The following HDAC4 variants were observed in gnomAD, a reference collection of about 807,000 sequenced individuals.
HDAC4 encodes the protein histone deacetylase 4.
In HDAC4, 16 loss-of-function variants were observed where a neutral mutation model predicts 135.1. That is an observed-to-expected ratio of 0.12 (90% CI 0.08 to 0.18). HDAC4 has a LOEUF of 0.18. Among genes scored for constraint, HDAC4 ranks in the 10% least tolerant of loss-of-function variants. The pLI is 1.00. For synonymous variants in HDAC4, 685 were observed against 653.4 expected (o/e 1.05, Z -0.74); for missense variants, 1,143 against 1,511.8 (o/e 0.76, Z 4.05).
chr2:239,395,295 G>A (rs1264975643), intron 1 of HDAC4, among the ~76,000 whole-genome samples: 1 of 152,224 alleles, frequency 6.6e-6, no homozygotes, highest in East Asian at 1.9e-4. Flanking sequence ...AGTCATGCCA[G>A]GGTTTCAAGC....
At position 239,124,725 on chromosome 2, in the gene HDAC4, T is replaced by C. The variant is rs1346318019; in HGVS notation, c.1533+1731A>G. 4.5e-3 allele frequency among the ~76,000 whole-genome samples: 436 copies of C among 97,820 alleles called. 4 individuals are homozygous for C. The highest frequency in any genetic ancestry group is 0.013 in the Middle Eastern group (1 of 80). 64.2% of individuals were successfully genotyped at this position (97,820 alleles called of 152,430 possible). ...CATGTTATGTGACATTCTGGTGTGC[T>C]GGCGTGTGGCTGCGTTATATGACAT... On this transcript the variant is annotated intron_variant, in intron 12 of 26. Coordinates refer to ENST00000543185, the MANE Select transcript of HDAC4 (RefSeq NM_001378414.1).
chr2:239,233,571 G>A (rs764709331), intron 3 of HDAC4, among the ~76,000 whole-genome samples: 7 of 152,096 alleles, frequency 4.6e-5, no homozygotes, highest in Non-Finnish European at 8.8e-5. Context: ...CTCACCTGAC[G>A]TTTCTAAAAT....
At chr2:239,322,347 A>C (rs2053343404) in intron 2 of HDAC4, among the ~76,000 whole-genome samples, 1 of 152,266 alleles carries the variant, frequency 6.6e-6, no homozygotes, top group African/African-American at 2.4e-5. Flanking sequence ...GTTGCTTGGC[A>C]CAGCCCCTTG....
chr2:239,061,468 T>C (rs1318682719), intron 24 of HDAC4, among the ~76,000 whole-genome samples: 2 of 151,070 alleles, frequency 1.3e-5, no homozygotes, highest in African/African-American at 2.4e-5. Context: ...GTATGTGTGG[T>C]GTGTGCGTGC....
At chr2:239,175,335 C>T (rs1328504542) in intron 5 of HDAC4, among the ~76,000 whole-genome samples, 2 of 152,236 alleles carry the variant, frequency 1.3e-5, no homozygotes, top group Non-Finnish European at 2.9e-5. Flanking sequence ...ACCCTGCACC[C>T]CGGGGACACG....
At chr2:239,268,272 T>C (rs1481014011) in intron 2 of HDAC4, among the ~76,000 whole-genome samples, 1 of 152,196 alleles carries the variant, frequency 6.6e-6, no homozygotes, top group Non-Finnish European at 1.5e-5. Context: ...ACGGTGGCCC[T>C]GGCGGGCCAG....
intron 7 of HDAC4, among the ~76,000 whole-genome samples, chr2:239,152,181 T>C (rs2042158822): frequency 6.6e-6 from 1 of 152,204 alleles, no homozygotes; most frequent in African/African-American, 2.4e-5. Flanking sequence ...TGGAAAAGCC[T>C]CCATTCCTCA....
intron 1 of HDAC4, among the ~76,000 whole-genome samples, chr2:239,387,687 G>A (rs552755745): frequency 6.6e-6 from 1 of 152,194 alleles, no homozygotes. Flanking sequence ...GAAGAAAACC[G>A]AGGCTTAGAG....
chr2:239,198,908 C>T (rs563332642), intron 3 of HDAC4, among the ~76,000 whole-genome samples: 20 of 152,286 alleles, frequency 1.3e-4, no homozygotes, highest in Admixed American at 7.2e-4. Flanking sequence ...AGGCCCCAGT[C>T]GTCACTGCGA....
At chr2:239,238,708 T>C (rs1356542456) in intron 2 of HDAC4, among the ~76,000 whole-genome samples, 1 of 152,174 alleles carries the variant, frequency 6.6e-6, no homozygotes, top group Non-Finnish European at 1.5e-5. Context: ...AGCACCGAGT[T>C]CATACATGAG....
intron 4 of HDAC4, among the ~76,000 whole-genome samples, chr2:239,187,718 A>G (rs1031118821): frequency 6.6e-6 from 1 of 152,164 alleles, no homozygotes; most frequent in Non-Finnish European, 1.5e-5. Flanking sequence ...TGTCAGGATC[A>G]CAGGGATCCC....
chr2:239,381,496 GGTTTC>G (rs1695412807), intron 1 of HDAC4, among the ~76,000 whole-genome samples: 1 of 152,090 alleles, frequency 6.6e-6, no homozygotes, highest in Non-Finnish European at 1.5e-5. Context: ...AATGAAAGCT[GGTTTC>G]ATTTCCTCAC....
chr2:239,191,048 C>T (rs2044915051), intron 3 of HDAC4: 2 of 458,174 alleles, frequency 4.4e-6, no homozygotes, highest in Non-Finnish European at 4.4e-6. Context: ...CGCGACTCTG[C>T]CGAAAACTTC....
chr2:239,285,495 C>T lies in HDAC4; in HGVS notation c.23-48831G>A, dbSNP rs1194980066. ...AGTGCCGGCTGCCAGCAAGTGTCTC[C>T]GCCGCGGGACCTGTCATCCCAGCTG... On this transcript the variant is annotated intron_variant, in intron 2 of 26. Coordinates refer to ENST00000543185, the MANE Select transcript of HDAC4 (RefSeq NM_001378414.1). The surrounding 1 kb of genome is among the most constrained non-coding windows in gnomAD (Gnocchi z 4.5). Among the ~76,000 whole-genome samples, 3 of 152,178 alleles carry T rather than the reference C, an allele frequency of 2.0e-5. No individual in the cohort carries two copies. Among genetic ancestry groups the T allele is most frequent in the Admixed American group, 2.0e-4 (3 of 15,282 alleles).
At chr2:239,126,358 C>CCCTTAAGGTCAGGGA in intron 12 of HDAC4, 98 bp downstream of exon 12, 3 of 1,597,524 alleles carry the variant, frequency 1.9e-6, no homozygotes, top group Non-Finnish European at 2.6e-6. Flanking sequence ...CTCCTGGCCT[C>CCCTTAAGGTCAGGGA]CCTTAAGGTC....
chr2:239,313,796 G>A lies in HDAC4; in HGVS notation c.22+38882C>T, dbSNP rs1420970333. Among the ~76,000 whole-genome samples the A allele has an allele frequency of 1.3e-5, 2 of 152,186 alleles. No individual in the cohort carries two copies. Among genetic ancestry groups the A allele is most frequent in the African/African-American group, 4.8e-5 (2 of 41,430 alleles). On this transcript the variant is annotated intron_variant, in intron 2 of 26. Transcript: ENST00000543185. This position sits in a 1 kb window ranked among gnomAD's most constrained non-coding sequence, Gnocchi z 5.1. Reference sequence around the variant, plus strand: ...CAGGGCTGAGTTGGCTGAAGAGTGAGGAATATACTCCAAAGACAGGAATTC... The same window carrying A: ...CAGGGCTGAGTTGGCTGAAGAGTGAAGAATATACTCCAAAGACAGGAATTC...
intron 3 of HDAC4, among the ~76,000 whole-genome samples, chr2:239,202,732 T>C (rs1428022414): frequency 1.3e-5 from 2 of 152,104 alleles, no homozygotes. Context: ...GATGGAGCTG[T>C]ACCCCCTGAC....
intron 3 of HDAC4, among the ~76,000 whole-genome samples, chr2:239,229,502 G>A (rs1268750677): frequency 1.3e-5 from 2 of 152,220 alleles, no homozygotes; most frequent in Non-Finnish European, 2.9e-5. Flanking sequence ...AATAGTTGAA[G>A]AGGTTTATTT....
intron 4 of HDAC4, among the ~76,000 whole-genome samples, chr2:239,179,056 G>T (rs1341658571): frequency 6.6e-6 from 1 of 151,804 alleles, no homozygotes; most frequent in Non-Finnish European, 1.5e-5. Flanking sequence ...ATAGAGTGGG[G>T]TGTGCGTGCG....
Sources: allele counts gnomAD v4.1 joint callset (sites outside exome capture counted in the v4.1 genomes callset), GRCh38; gene constraint gnomAD v4.1.1; non-coding constraint Gnocchi (gnomAD v3.1); transcripts MANE v1.5; gene names NCBI Gene and HGNC (gene_info 2026-07-23, HGNC 2026-07-21).